Variants in PRIM2 observed in about 807,000 individuals in gnomAD.
PRIM2 encodes the protein DNA primase subunit 2.
A neutral mutation model predicts 67.3 loss-of-function variants in PRIM2; 39 were observed. That is an observed-to-expected ratio of 0.58 (90% CI 0.45 to 0.76). The LOEUF (loss-of-function observed/expected upper bound fraction) is 0.76, where lower values mean the gene tolerates loss of function less well. Ranked by LOEUF, PRIM2 falls within the 30% of genes least tolerant of loss-of-function variation. The probability of loss-of-function intolerance (pLI) is 0.00; values close to 1 mark genes in which losing one functional copy is unlikely to be tolerated. For missense variants in PRIM2, 398 were observed against 598.7 expected (o/e 0.66, Z 3.50); for synonymous variants, 143 against 198.7 (o/e 0.72, Z 2.36).
At chr6:57,489,248 G>T (rs1362158732) in intron 7 of PRIM2, among the ~76,000 whole-genome samples, 39 of 152,222 alleles carry the variant, frequency 2.6e-4, no homozygotes, top group Non-Finnish European at 1.0e-4. Context: ...GAGTATGTGT[G>T]GTGTTTTAAA....
chr6:57,406,403 C>G (rs1312886072), intron 7 of PRIM2, among the ~76,000 whole-genome samples: 1 of 152,116 alleles, frequency 6.6e-6, no homozygotes, highest in Non-Finnish European at 1.5e-5. Context: ...AGTACAGAAT[C>G]CATCTTCTGA....
intron 8 of PRIM2, among the ~76,000 whole-genome samples, chr6:57,515,742 A>G (rs1264938753): frequency 3.3e-5 from 5 of 152,224 alleles, no homozygotes; most frequent in African/African-American, 7.2e-5. Flanking sequence ...TGACCAGTGT[A>G]TTAGTTTTCT....
At chr6:57,471,940 A>G (rs1773345703) in intron 7 of PRIM2, among the ~76,000 whole-genome samples, 2 of 152,216 alleles carry the variant, frequency 1.3e-5, no homozygotes, top group African/African-American at 4.8e-5. Context: ...ATTATAAAGC[A>G]GCTTTTGGTG....
At chr6:57,221,975 G>A in the PRIM2 span, 2 of 152,336 alleles carry the variant, frequency 1.3e-5, no homozygotes, top group African/African-American at 4.8e-5. Flanking sequence ...CCCTGGAGAG[G>A]GCGAGTGAGT....
At chr6:57,557,688 T>A (rs1443372067) in intron 10 of PRIM2, among the ~76,000 whole-genome samples, 13 of 151,446 alleles carry the variant, frequency 8.6e-5, no homozygotes, top group Non-Finnish European at 1.8e-4. Flanking sequence ...AGTACGTGGG[T>A]GATGAAATAT....
At chr6:57,297,306 G>A in the PRIM2 span, among the ~76,000 whole-genome samples, 1 of 152,096 alleles carries the variant, frequency 6.6e-6, no homozygotes, top group African/African-American at 2.4e-5. Flanking sequence ...GCCGGGCATG[G>A]TGGCGGGTGC....
chr6:57,372,612 C>T (rs978204627), intron 5 of PRIM2, among the ~76,000 whole-genome samples: 2 of 152,172 alleles, frequency 1.3e-5, no homozygotes, highest in Non-Finnish European at 2.9e-5. Context: ...TCTCACCTCC[C>T]ACCCTCCAAA....
intron 12 of PRIM2, among the ~76,000 whole-genome samples, chr6:57,628,202 C>G (rs1776986316): frequency 1.3e-5 from 2 of 152,174 alleles, no homozygotes; most frequent in Admixed American, 1.3e-4. Context: ...CCACATTTTT[C>G]TTCCTATTCT....
At chr6:57,606,548 A>G in intron 12 of PRIM2, 91 bp downstream of exon 12, 1 of 975,462 alleles carries the variant, frequency 1.0e-6, no homozygotes, top group Middle Eastern at 2.1e-4. Context: ...GATGCTGTGT[A>G]CTACTTGTCA....
intron 7 of PRIM2, among the ~76,000 whole-genome samples, chr6:57,490,324 C>T (rs1479163019): frequency 6.6e-6 from 1 of 152,158 alleles, no homozygotes; most frequent in Admixed American, 6.5e-5. Context: ...TCATCCTTCT[C>T]AAATTCACCA....
chr6:57,463,346 G>A (rs1407511339), intron 7 of PRIM2, among the ~76,000 whole-genome samples: 1 of 152,172 alleles, frequency 6.6e-6, no homozygotes, highest in East Asian at 1.9e-4. Context: ...TAAAAAATTA[G>A]CCAGGTGTGG....
chr6:57,644,872 A>T (rs1777308213), intron 13 of PRIM2, among the ~76,000 whole-genome samples: 1 of 152,230 alleles, frequency 6.6e-6, no homozygotes, highest in South Asian at 2.1e-4. Flanking sequence ...GACTGTGGAA[A>T]GTGAAACTGA....
At chr6:57,298,312 G>T in the PRIM2 span, among the ~76,000 whole-genome samples, 1 of 152,168 alleles carries the variant, frequency 6.6e-6, no homozygotes, top group African/African-American at 2.4e-5. Flanking sequence ...AGTGAGCCAA[G>T]ATTGCGCCAT....
intron 7 of PRIM2, among the ~76,000 whole-genome samples, chr6:57,394,965 T>G (rs1770473017): frequency 6.6e-6 from 1 of 152,208 alleles, no homozygotes; most frequent in Non-Finnish European, 1.5e-5. Context: ...TGTATCACAT[T>G]TATTGACTTG....
intron 7 of PRIM2, among the ~76,000 whole-genome samples, chr6:57,455,169 G>A (rs1273119148): frequency 1.3e-5 from 2 of 152,110 alleles, no homozygotes; most frequent in Non-Finnish European, 2.9e-5. Flanking sequence ...TATAATTTCT[G>A]TTCTTTTACA....
At chr6:57,230,342 C>G in the PRIM2 span, among the ~76,000 whole-genome samples, 1 of 152,196 alleles carries the variant, frequency 6.6e-6, no homozygotes, top group African/African-American at 2.4e-5. Flanking sequence ...TCTTCAATCA[C>G]TTGGGAGCAT....
intron 12 of PRIM2, among the ~76,000 whole-genome samples, chr6:57,619,693 G>A (rs1469540146): frequency 1.3e-5 from 2 of 152,018 alleles, no homozygotes; most frequent in Non-Finnish European, 2.9e-5. Flanking sequence ...CAAGGTGTTC[G>A]AATTAACCCA....
intron 7 of PRIM2, among the ~76,000 whole-genome samples, chr6:57,505,015 G>GT (rs1288323686): frequency 3.3e-5 from 5 of 152,214 alleles, no homozygotes; most frequent in African/African-American, 1.2e-4. Context: ...TCCAGTGGAT[G>GT]TAAGTAGTAA....
chr6:57,525,631 G>C lies in PRIM2; in HGVS notation c.762-6780G>C, dbSNP rs1554349293. On this transcript the variant is annotated intron_variant, in intron 8 of 13. Transcript: ENST00000615550. ...CAACAACATTCTAATAACATTCTAG[G>C]ATCCTGTAGTCTGTGTTTCTAAAGC... 7.9e-5 allele frequency among the ~76,000 whole-genome samples: 12 copies of C among 152,244 alleles called. No homozygotes were observed. In the South Asian group the frequency reaches 1.5e-3, roughly 18 times the overall value.
Sources: allele counts gnomAD v4.1 joint callset (sites outside exome capture counted in the v4.1 genomes callset), GRCh38; gene constraint gnomAD v4.1.1; transcripts MANE v1.5; gene names NCBI Gene and HGNC (gene_info 2026-07-23, HGNC 2026-07-21).